The following OR6K3 variants were observed in gnomAD, a reference collection of about 807,000 sequenced individuals.
OR6K3 encodes the protein olfactory receptor 6K3.
For synonymous variants in OR6K3, 169 were observed against 137.7 expected, an observed-to-expected ratio of 1.23 and a Z score of -1.59; for missense variants, 396 against 382.5, an observed-to-expected ratio of 1.04 and a Z score of -0.29.
intron 1 of OR6K3, 39 bp from the exon 2 acceptor site, chr1:158,718,171 T>C: frequency 9.4e-7 from 1 of 1,059,516 alleles, no homozygotes; most frequent in Non-Finnish European, 1.4e-6. Context: ...CATGAGAGGG[T>C]AGAGAAAAAA....
chr1:158,717,626 A>C lies in OR6K3; in HGVS notation c.490T>G (p.Ser164Ala), dbSNP rs1000356155. 4 of 1,613,850 alleles carry C rather than the reference A, an allele frequency of 2.5e-6. No individual in the cohort carries two copies. The highest frequency in any genetic ancestry group is 3.4e-6 in the Non-Finnish European group (4 of 1,179,844). ...LILLPEIVMI[S>A]TLPFCGPNQI... ...TTGGGCCCACAGAAAGGCAGTGTGG[A>C]AATCATCACAATCTCGGGAAGCAGG... Residue 164 changes from serine (S) to alanine (A), a missense_variant, in exon 2 of 2, where the codon TCC (serine) becomes GCC (alanine). By Grantham distance (99) the Ser-to-Ala change is moderately conservative. Coordinates refer to ENST00000368145, the MANE Select transcript of OR6K3 (RefSeq NM_001005327.3).
upstream of OR6K3, among the ~76,000 whole-genome samples, chr1:158,722,109 G>A (rs1268294856): frequency 6.6e-6 from 1 of 151,630 alleles, no homozygotes; most frequent in Non-Finnish European, 1.5e-5. Flanking sequence ...CTACTTATTG[G>A]GCTATGCATT....
chr1:158,717,684 GA>G lies in OR6K3; in HGVS notation c.431del (p.Leu144ProfsTer18). The G allele has an allele frequency of 1.9e-6, 3 of 1,613,872 alleles. No individual in the cohort carries two copies. The highest frequency in any genetic ancestry group is 2.5e-6 in the Non-Finnish European group (3 of 1,179,864). On this transcript the variant is annotated frameshift_variant, in exon 2 of 2. Transcript: ENST00000368145. LOFTEE classifies it low-confidence loss of function (END_TRUNC). ...AACCGAAGAGGCAGGAACCTGCAGAGAGTTGAGCACAGAGCCGGGGGGTCAT... is the reference window on the plus strand; with the variant it reads ...AACCGAAGAGGCAGGAACCTGCAGAGGTTGAGCACAGAGCCGGGGGGTCAT... ...MIMTPRLCAQ[L>X]SAGSCLFGFL...
chr1:158,724,388 G>T, upstream of OR6K3: 1 of 215,258 alleles, frequency 4.6e-6, no homozygotes. Context: ...GGAATCCTCA[G>T]GATTACAGTG....
At chr1:158,720,213 CTA>C (rs1656255276) in intron 1 of OR6K3, among the ~76,000 whole-genome samples, 1 of 151,990 alleles carries the variant, frequency 6.6e-6, no homozygotes, top group African/African-American at 2.4e-5. Flanking sequence ...CTTCTCTAGA[CTA>C]TAGGTTTCTC....
At chr1:158,718,905 T>C (rs1359841610) in intron 1 of OR6K3, among the ~76,000 whole-genome samples, 1 of 152,100 alleles carries the variant, frequency 6.6e-6, no homozygotes, top group South Asian at 2.1e-4. Flanking sequence ...CAGTGTTTAA[T>C]AGGCAACTTC....
chr1:158,717,124 A>T lies in OR6K3; in HGVS notation c.*44T>A. On this transcript the variant is annotated 3_prime_UTR_variant, in exon 2 of 2. Transcript: ENST00000368145. ...CAAGAGTGAAACTCCATCTCAAAAA[A>T]CAAAACAAAACAAAAGCAACGGAAG... 1.5e-6 allele frequency: 2 copies of T among 1,374,120 alleles called. No individual in the cohort carries two copies. Among genetic ancestry groups the T allele is most frequent in the Non-Finnish European group, 2.0e-6 (2 of 988,780 alleles). 85.1% of individuals were successfully genotyped at this position (1,374,120 alleles called of 1,614,324 possible). A position where few individuals can be genotyped will look rare whatever the true frequency, so the allele number is the denominator to read the frequency against.
chr1:158,717,411 C>T lies in OR6K3; in HGVS notation c.705G>A (p.Lys235=), dbSNP rs1223226627. The part of the protein sequence containing the change: ...LRIPSSEGRQ[K]AFSTCAGHLM... ...GGTGGCCTGCACAGGTAGAAAAAGC[C>T]TTTTGCCTCCCTTCAGAAGAGGGAA... The change falls in exon 2 of 2, where the codon AAG becomes AAA. Residue 235 remains lysine, a synonymous_variant. Transcript: ENST00000368145. The T allele has an allele frequency of 1.5e-5, 24 of 1,613,560 alleles. No individual in the cohort carries two copies. Among genetic ancestry groups the T allele is most frequent in the Non-Finnish European group, 1.7e-5 (20 of 1,179,786 alleles).
In OR6K3 at chr1:158,717,294, T is replaced by C; in HGVS notation, c.822A>G (p.Ala274=). 6.2e-7 allele frequency: 1 copy of C among 1,613,638 alleles called. No homozygotes were observed. The highest frequency in any genetic ancestry group is 8.5e-7 in the Non-Finnish European group (1 of 1,179,704). The change falls in exon 2 of 2, where the codon GCA becomes GCG. Residue 274 remains alanine, a synonymous_variant. Coordinates refer to ENST00000368145, the MANE Select transcript of OR6K3 (RefSeq NM_001005327.3). ...ATGGAGCAAGTACAGTAAACATCAG[T>C]GCAATGGCTGTGTCCAAAACTGGTG... ...TYPPVLDTAI[A]LMFTVLAPFF...
rs867284499 is a variant in OR6K3 at position 158,717,843 on chromosome 1, G to A, written c.273C>T (p.Ala91=). Residue 91 remains alanine (A), a synonymous_variant, in exon 2 of 2, where the codon GCC becomes GCT. Transcript: ENST00000368145. The stretch of plus-strand genomic sequence containing the variant: ...GCAAGATGCAGCCAGTCATTGAGAT[G>A]GCCTTCTTTTCACTGATGAGGTTGG... The part of the protein sequence containing the change: ...MLSNLISEKK[A]ISMTGCILQM... 1 of 1,613,822 alleles carries A rather than the reference G, an allele frequency of 6.2e-7. No individual in the cohort carries two copies. Among genetic ancestry groups the A allele is most frequent in the Admixed American group, 1.7e-5 (1 of 59,974 alleles).
Position 158,718,088 on chromosome 1 carries a change from T to C in OR6K3, c.28A>G (p.Thr10Ala). MESGNQSTV[T>A]EFIFTGFPQL... ...GGGAATCCAGTGAAGATAAATTCAG[T>C]CACTGTTGATTGGTTTCCGCTCTCC... The change falls in exon 2 of 2, where the codon ACT (threonine) becomes GCT (alanine). Residue 10 changes from threonine to alanine, a missense_variant. Transcript: ENST00000368145. The C allele has an allele frequency of 6.2e-7, 1 of 1,612,360 alleles. No individual in the cohort carries two copies. The highest frequency in any genetic ancestry group is 8.5e-7 in the Non-Finnish European group (1 of 1,179,128).
intron 1 of OR6K3, among the ~76,000 whole-genome samples, chr1:158,719,624 T>C (rs1189553743): frequency 6.6e-6 from 1 of 152,032 alleles, no homozygotes; most frequent in Non-Finnish European, 1.5e-5. Context: ...TACTGCTGGT[T>C]AAAAGTCTAG....
upstream of OR6K3, among the ~76,000 whole-genome samples, chr1:158,721,659 A>C (rs1184561252): frequency 6.6e-6 from 1 of 151,036 alleles, no homozygotes; most frequent in East Asian, 2.0e-4. Context: ...GCTCAGAAAT[A>C]TTTTCCTTTA....
upstream of OR6K3, among the ~76,000 whole-genome samples, chr1:158,722,745 A>G (rs902376489): frequency 2.6e-5 from 4 of 151,988 alleles, no homozygotes; most frequent in Non-Finnish European, 4.4e-5. Flanking sequence ...CCCAGGATAT[A>G]TAATGCTTTG....
At chr1:158,723,207 T>C (rs1026945194), upstream of OR6K3, among the ~76,000 whole-genome samples, 8 of 143,082 alleles carry the variant, frequency 5.6e-5, no homozygotes, top group African/African-American at 2.0e-4. Flanking sequence ...TCAAATGATA[T>C]ATATTTCTAT....
upstream of OR6K3, chr1:158,724,647 G>C (rs558204909): frequency 4.3e-6 from 1 of 230,400 alleles, no homozygotes; most frequent in Non-Finnish European, 9.6e-6. Flanking sequence ...CACAGAGCCC[G>C]GGGGTCATGA....
At position 158,716,509 on chromosome 1, in the gene OR6K3, A is replaced by T. The variant is rs913751087; in HGVS notation, c.*659T>A. 6.6e-6 allele frequency: 1 copy of T among 152,114 alleles called. No homozygotes were observed. The highest frequency in any genetic ancestry group is 2.4e-5 in the African/African-American group (1 of 41,452). The allele number at this position is 152,114 out of a possible 1,614,324, so 9.4% of individuals were successfully genotyped here. ...AATTAAACAAAAAAACTTTTCTAAG[A>T]TGTGTTACCTAAATAGACACATACT... On this transcript the variant is annotated 3_prime_UTR_variant, in exon 2 of 2. Coordinates refer to ENST00000368145, the MANE Select transcript of OR6K3 (RefSeq NM_001005327.3).
At chr1:158,720,470 G>A (rs142970865) in intron 1 of OR6K3, among the ~76,000 whole-genome samples, 3 of 152,040 alleles carry the variant, frequency 2.0e-5, no homozygotes, top group Admixed American at 6.6e-5. Flanking sequence ...TCAGAAAATG[G>A]CATTATAAAT....
chr1:158,719,325 T>A (rs975819405), intron 1 of OR6K3, among the ~76,000 whole-genome samples: 1 of 152,044 alleles, frequency 6.6e-6, no homozygotes, highest in Non-Finnish European at 1.5e-5. Context: ...TCTTATAGTT[T>A]TATACACTCC....
Sources: gnomAD v4.1 joint callset for allele counts (sites outside exome capture counted in the v4.1 genomes callset) on GRCh38, gnomAD v4.1.1 for gene constraint, MANE v1.5 for transcripts, NCBI Gene and HGNC (gene_info 2026-07-23, HGNC 2026-07-21) for gene names.